Variants in PRL observed in about 807,000 individuals in gnomAD.
The protein encoded by PRL is prolactin, also known as decidual prolactin.
PRL carries 24 observed loss-of-function variants against 21.3 expected under a neutral mutation model. The ratio of observed to expected loss-of-function variants is 1.13; its 90% CI spans 0.82 to 1.59. PRL has a LOEUF of 1.59. Among genes scored for constraint, PRL ranks in the 40% most tolerant of loss-of-function variants. The pLI, the probability that PRL is intolerant of heterozygous loss-of-function variation, is 0.00. For missense variants in PRL, 243 were observed against 286.9 expected (o/e 0.85, Z 1.10); for synonymous variants, 118 against 115.7 (o/e 1.02, Z -0.13).
chr6:22,298,638 A>G (rs977257069), upstream of PRL, among the ~76,000 whole-genome samples: 11 of 152,328 alleles, frequency 7.2e-5, no homozygotes, highest in Admixed American at 2.0e-4. Flanking sequence ...GTGATGATTC[A>G]TAGACTCTCT....
chr6:22,298,686 T>G (rs1055533486), upstream of PRL, among the ~76,000 whole-genome samples: 1 of 152,224 alleles, frequency 6.6e-6, no homozygotes, highest in Non-Finnish European at 1.5e-5. Context: ...TATACTCACA[T>G]TAGGTATTCA....
At position 22,293,181 on chromosome 6, in the gene PRL, G is replaced by A. The variant is rs201737700; in HGVS notation, c.205-536C>T. On this transcript the variant is annotated intron_variant, in intron 2 of 4. Coordinates refer to ENST00000306482, the MANE Select transcript of PRL (RefSeq NM_000948.6). ...ACCTTACCAAGTTCATGATAGAAAC[G>A]GAACACAACTTTTTTTTAAATTATG... 6.2e-4 allele frequency among the ~76,000 whole-genome samples: 94 copies of A among 152,032 alleles called. No homozygotes were observed. The East Asian group carries it at 0.01, about 17-fold the overall frequency.
At chr6:22,297,997 C>G (rs1400216676), upstream of PRL, among the ~76,000 whole-genome samples, 1 of 152,098 alleles carries the variant, frequency 6.6e-6, no homozygotes, top group African/African-American at 2.4e-5. Context: ...CTAAGACAAA[C>G]AAGCTATAAC....
upstream of PRL, among the ~76,000 whole-genome samples, chr6:22,300,995 T>C (rs1761273014): frequency 6.6e-6 from 1 of 152,234 alleles, no homozygotes; most frequent in Admixed American, 6.5e-5. Flanking sequence ...TCCACAAACG[T>C]AAATCTCACT....
intron 1 of PRL, among the ~76,000 whole-genome samples, chr6:22,295,079 G>A (rs1350626918): frequency 5.3e-5 from 8 of 152,060 alleles, no homozygotes; most frequent in African/African-American, 1.7e-4. Flanking sequence ...ATAAACACAC[G>A]ATTGTTTGAT....
intron 1 of PRL, among the ~76,000 whole-genome samples, chr6:22,294,903 G>A (rs1761143130): frequency 6.6e-6 from 1 of 152,130 alleles, no homozygotes; most frequent in African/African-American, 2.4e-5. Flanking sequence ...ATTCTCTTAA[G>A]ATAGTTTAAT....
upstream of PRL, among the ~76,000 whole-genome samples, chr6:22,299,116 C>T (rs879572543): frequency 7.7e-4 from 118 of 152,344 alleles, 1 homozygote; most frequent in Admixed American, 6.2e-3. Context: ...ATGTTACCCC[C>T]TTTCACCTTA....
chr6:22,294,940 G>C (rs1561756233), intron 1 of PRL, among the ~76,000 whole-genome samples: 1 of 152,076 alleles, frequency 6.6e-6, no homozygotes, highest in Non-Finnish European at 1.5e-5. Flanking sequence ...CAGATTTTCA[G>C]CAGTCAGGCT....
intron 2 of PRL, 45 bp from the exon 3 acceptor site, chr6:22,292,690 A>C (rs1487304666): frequency 6.6e-7 from 1 of 1,510,060 alleles, no homozygotes; most frequent in South Asian, 1.2e-5. Context: ...TTGTTTGGGC[A>C]TTGAATAAAT....
At chr6:22,298,855 G>A (rs1761230589), upstream of PRL, among the ~76,000 whole-genome samples, 1 of 152,124 alleles carries the variant, frequency 6.6e-6, no homozygotes, top group Admixed American at 6.6e-5. Context: ...AAAATTTAAA[G>A]GTGTTGCAAC....
chr6:22,290,179 T>G lies in PRL; in HGVS notation c.487A>C (p.Ser163Arg). 2 of 1,573,290 alleles carry G rather than the reference T, an allele frequency of 1.3e-6. No individual in the cohort carries two copies. The highest frequency in any genetic ancestry group is 1.7e-6 in the Non-Finnish European group (2 of 1,151,100). The change falls in exon 4 of 5, where the codon AGC becomes CGC. Residue 163 changes from serine to arginine, a missense_variant. Coordinates refer to ENST00000306482, the MANE Select transcript of PRL (RefSeq NM_000948.6). ...RLLEGMELIVSQVHPETKENE... is the reference protein window; with the variant it reads ...RLLEGMELIVRQVHPETKENE... The stretch of plus-strand genomic sequence containing the variant: ...AGCACCAGGAGGCTGCTCACCTGGC[T>G]GACTATCAGCTCCATGCCCTCTAGA...
Position 22,288,428 on chromosome 6 carries a change from G to T in PRL, c.493-835C>A, listed in dbSNP as rs576069187. 6.6e-6 allele frequency among the ~76,000 whole-genome samples: 1 copy of T among 152,160 alleles called. No individual in the cohort carries two copies. Among genetic ancestry groups the T allele is most frequent in the East Asian group, 1.9e-4 (1 of 5,162 alleles). ...TGCACGCCTGTTGTCCCAGCTACTT[G>T]GGAGGCTGAGGCATGAGGATCGCTT... On this transcript the variant is annotated intron_variant, in intron 4 of 4. Coordinates refer to ENST00000306482, the MANE Select transcript of PRL (RefSeq NM_000948.6). This position sits in a 1 kb window ranked among gnomAD's most constrained non-coding sequence, Gnocchi z 4.5.
chr6:22,290,299 G>A lies in PRL; in HGVS notation c.367C>T (p.Leu123=). 1 of 1,610,634 alleles carries A rather than the reference G, an allele frequency of 6.2e-7. No homozygotes were observed. The change falls in exon 4 of 5, where the codon CTG becomes TTG. Residue 123 remains leucine, a synonymous_variant. Coordinates refer to ENST00000306482, the MANE Select transcript of PRL (RefSeq NM_000948.6). ...VSILRSWNEP[L]YHLVTEVRGM... is the part of the protein sequence containing the mutation. ...CGTACTTCCGTGACCAGATGATACA[G>A]AGGCTCATTCCAGGATCGCAATATG...
chr6:22,296,958 T>C lies in PRL; in HGVS notation c.25A>G (p.Lys9Glu), dbSNP rs150478235. The change falls in exon 1 of 5, where the codon AAA becomes GAA. Residue 9 changes from lysine (K) to glutamate (E), a missense_variant. By Grantham distance (56) the Lys-to-Glu change is moderately conservative. Transcript: ENST00000306482. The stretch of plus-strand genomic sequence containing the variant: ...CGCAGTGAGTTGTCACACATACCTT[T>C]CCATGGCGATCCTTTGATGTTCATG... Reference protein sequence around the residue: MNIKGSPWKGSLLLLLVSN... With the variant: MNIKGSPWEGSLLLLLVSN... 4.0e-4 allele frequency: 650 copies of C among 1,614,026 alleles called. 3 individuals are homozygous for C. The African/African-American group carries it at 7.4e-3, about 18-fold the overall frequency.
upstream of PRL, among the ~76,000 whole-genome samples, chr6:22,298,116 C>A (rs984101444): frequency 2.0e-5 from 3 of 152,112 alleles, no homozygotes; most frequent in Admixed American, 1.3e-4. Flanking sequence ...TCTGGTATAC[C>A]ATGTAATAAA....
At chr6:22,294,619 A>T (rs1255553771) in intron 1 of PRL, 35 bp from the exon 2 acceptor site, 1 of 1,507,462 alleles carries the variant, frequency 6.6e-7, no homozygotes, top group African/African-American at 1.4e-5. Context: ...CTCTGAGATG[A>T]TTTATTCCAC....
rs1197653244 is a variant in PRL, at chr6:22,294,531, G to A, written c.82C>T (p.Pro28Ser). 1 of 1,613,828 alleles carries A rather than the reference G, an allele frequency of 6.2e-7. No homozygotes were observed. Among genetic ancestry groups the A allele is most frequent in the African/African-American group, 1.3e-5 (1 of 75,050 alleles). Residue 28 changes from proline (P) to serine (S), a missense_variant, in exon 2 of 5, where the codon CCC (proline) becomes TCC (serine). Transcript: ENST00000306482. ...SNLLLCQSVA[P>S]LPICPGGAAR... ...GCCCCGCCGGGACAGATGGGCAAGG[G>A]GGCCACGCTCTGGCACAGGAGCAGG...
intron 4 of PRL, among the ~76,000 whole-genome samples, chr6:22,289,828 T>C (rs879823439): frequency 1.4e-4 from 21 of 152,190 alleles, no homozygotes; most frequent in Non-Finnish European, 2.9e-4. Context: ...GAATTTTCAA[T>C]AGTGGGTGTC....
chr6:22,297,416 A>G (rs554638400), upstream of PRL: 169 of 160,710 alleles, frequency 1.1e-3, no homozygotes, highest in African/African-American at 3.9e-3. Flanking sequence ...CTCATGTATT[A>G]TCAGTTATCA....
Sources: allele counts gnomAD v4.1 joint callset (sites outside exome capture counted in the v4.1 genomes callset), GRCh38; gene constraint gnomAD v4.1.1; non-coding constraint Gnocchi (gnomAD v3.1); transcripts MANE v1.5; gene names NCBI Gene and HGNC (gene_info 2026-07-23, HGNC 2026-07-21).